GSG1L: variants seen among roughly 807,000 people sequenced by gnomAD.
The protein encoded by GSG1L is GSG1 like, also known as germ cell-specific gene 1-like protein.
GSG1L carries 24 observed loss-of-function variants against 42.1 expected under a neutral mutation model. The ratio of observed to expected loss-of-function variants is 0.57; its 90% CI spans 0.41 to 0.80. The LOEUF is 0.80. Ranked by LOEUF, GSG1L falls within the 30% of genes least tolerant of loss-of-function variation. GSG1L has a pLI of 0.00. For missense variants in GSG1L, 445 were observed against 472.2 expected, an observed-to-expected ratio of 0.94 and a Z score of 0.53; for synonymous variants, 215 against 203.5, an observed-to-expected ratio of 1.06 and a Z score of -0.48.
At chr16:27,940,719 G>T (rs8047661) in intron 2 of GSG1L, among the ~76,000 whole-genome samples, 4 of 107,548 alleles carry the variant, frequency 3.7e-5, no homozygotes, top group South Asian at 3.3e-4. Context: ...GGGGGGAGTG[G>T]GGAGGGATAG....
intron 1 of GSG1L, among the ~76,000 whole-genome samples, chr16:28,030,871 G>T (rs1489011284): frequency 2.1e-5 from 3 of 140,436 alleles, no homozygotes; most frequent in Non-Finnish European, 4.6e-5. Flanking sequence ...GATGGGATGG[G>T]ATGGGATGGG....
intron 1 of GSG1L, among the ~76,000 whole-genome samples, chr16:27,980,436 A>G (rs1041020410): frequency 1.3e-5 from 2 of 152,216 alleles, no homozygotes; most frequent in African/African-American, 4.8e-5. Flanking sequence ...AGGCAGTAGC[A>G]ACAGTTTCAC....
At chr16:27,995,683 A>C (rs1035679021) in intron 1 of GSG1L, among the ~76,000 whole-genome samples, 11 of 152,218 alleles carry the variant, frequency 7.2e-5, no homozygotes, top group African/African-American at 2.6e-4. Context: ...ACACGTGAAC[A>C]CAAAGTGGGC....
intron 2 of GSG1L, among the ~76,000 whole-genome samples, chr16:27,936,415 T>C (rs1408098674): frequency 6.6e-6 from 1 of 152,136 alleles, no homozygotes; most frequent in Non-Finnish European, 1.5e-5. Context: ...ACTCTATTCG[T>C]TTCTGCAGGA....
At chr16:27,918,264 A>G (rs1032915380) in intron 2 of GSG1L, among the ~76,000 whole-genome samples, 1 of 152,198 alleles carries the variant, frequency 6.6e-6, no homozygotes, top group African/African-American at 2.4e-5. Context: ...GAGCATAGAA[A>G]GAGCTTGACA....
intron 2 of GSG1L, among the ~76,000 whole-genome samples, chr16:27,888,323 T>C (rs2084054461): frequency 6.6e-6 from 1 of 152,230 alleles, no homozygotes; most frequent in South Asian, 2.1e-4. Context: ...GCTCCGGAAG[T>C]AACTTAACCA....
At chr16:28,017,242 A>G (rs1160438639) in intron 1 of GSG1L, among the ~76,000 whole-genome samples, 1 of 152,236 alleles carries the variant, frequency 6.6e-6, no homozygotes, top group Non-Finnish European at 1.5e-5. Flanking sequence ...ATGTAATGAC[A>G]CACAGGGAAA....
chr16:27,829,845 CATT>C (rs1315707913), intron 4 of GSG1L, among the ~76,000 whole-genome samples: 3 of 152,290 alleles, frequency 2.0e-5, no homozygotes, highest in African/African-American at 7.2e-5. Context: ...GTCTTGCTGT[CATT>C]ATTATCATTA....
At chr16:27,997,749 A>C (rs2085533134) in intron 1 of GSG1L, among the ~76,000 whole-genome samples, 1 of 151,702 alleles carries the variant, frequency 6.6e-6, no homozygotes, top group Non-Finnish European at 1.5e-5. Flanking sequence ...TACATGGATG[A>C]ATTGTGTAGC....
intron 6 of GSG1L, among the ~76,000 whole-genome samples, chr16:27,799,523 T>C (rs2082858659): frequency 1.3e-5 from 2 of 152,042 alleles, no homozygotes; most frequent in Admixed American, 6.6e-5. Flanking sequence ...CCAGCCTGGG[T>C]GACAGAGCAC....
At chr16:28,021,451 G>C (rs575209565) in intron 1 of GSG1L, among the ~76,000 whole-genome samples, 1 of 152,138 alleles carries the variant, frequency 6.6e-6, no homozygotes, top group African/African-American at 2.4e-5. Flanking sequence ...CATTTGGTTC[G>C]TGTTCACCTG....
intron 1 of GSG1L, among the ~76,000 whole-genome samples, chr16:28,039,658 C>T (rs546610474): frequency 7.9e-5 from 12 of 151,962 alleles, no homozygotes; most frequent in South Asian, 2.1e-4. Context: ...CACACTCACA[C>T]GCACATGCAC....
intron 1 of GSG1L, among the ~76,000 whole-genome samples, chr16:28,018,327 G>A (rs1213505846): frequency 2.0e-5 from 3 of 152,226 alleles, no homozygotes; most frequent in Non-Finnish European, 4.4e-5. Flanking sequence ...AGGAATCTAA[G>A]TCTGCAATTC....
At chr16:27,821,418 G>T (rs115717243) in intron 5 of GSG1L, among the ~76,000 whole-genome samples, 4,566 of 152,080 alleles carry the variant, frequency 0.03, 219 homozygotes, top group African/African-American at 0.1. Flanking sequence ...AGGTGGTTTT[G>T]CAACCCTTGC....
At chr16:28,030,055 CA>C (rs2085941207) in intron 1 of GSG1L, among the ~76,000 whole-genome samples, 1 of 152,178 alleles carries the variant, frequency 6.6e-6, no homozygotes, top group South Asian at 2.1e-4. Context: ...AGGGCCTCTT[CA>C]GAAGGGAACT....
chr16:27,950,093 G>T (rs547406648), intron 2 of GSG1L, among the ~76,000 whole-genome samples: 1 of 152,124 alleles, frequency 6.6e-6, no homozygotes, highest in Non-Finnish European at 1.5e-5. Flanking sequence ...CCTCATACAG[G>T]ATGTTCACTG....
intron 1 of GSG1L, among the ~76,000 whole-genome samples, chr16:28,039,603 G>GCACA (rs34252812): frequency 1.1e-4 from 16 of 150,880 alleles, no homozygotes; most frequent in South Asian, 2.1e-4. Flanking sequence ...ACCCACACTT[G>GCACA]CACACACACA....
intron 1 of GSG1L, among the ~76,000 whole-genome samples, chr16:27,991,974 G>A (rs554350540): frequency 6.6e-6 from 1 of 152,228 alleles, no homozygotes; most frequent in Admixed American, 6.5e-5. Flanking sequence ...GTTTCCAGGG[G>A]TGGAGCGTAA....
chr16:27,823,821 G>A, intron 5 of GSG1L: 1 of 702,608 alleles, frequency 1.4e-6, no homozygotes, highest in Non-Finnish European at 2.6e-6. Flanking sequence ...CACAGGGAAG[G>A]ACTATGTGGC....
Sources: allele counts gnomAD v4.1 joint callset (sites outside exome capture counted in the v4.1 genomes callset), GRCh38; gene constraint gnomAD v4.1.1; transcripts MANE v1.5; gene names NCBI Gene and HGNC (gene_info 2026-07-23, HGNC 2026-07-21).